Variants in RNF138 observed in about 807,000 individuals in gnomAD.
The protein encoded by RNF138 is E3 ubiquitin-protein ligase RNF138.
In RNF138, 12 loss-of-function variants were observed where a neutral mutation model predicts 31.0. The ratio of observed to expected loss-of-function variants is 0.39; its 90% CI spans 0.25 to 0.63. The LOEUF is 0.63. Among genes scored for constraint, RNF138 ranks in the 20% least tolerant of loss-of-function variants. The pLI, the probability that RNF138 is intolerant of heterozygous loss-of-function variation, is 0.52. For missense variants in RNF138, 192 were observed against 300.1 expected (o/e 0.64, Z 2.66); for synonymous variants, 105 against 99.5 (o/e 1.06, Z -0.33).
chr18:32,117,219 T>A (rs2040232496), intron 4 of RNF138, among the ~76,000 whole-genome samples: 1 of 151,894 alleles, frequency 6.6e-6, no homozygotes, highest in South Asian at 2.1e-4. Flanking sequence ...TTTTTTTTTT[T>A]AATGGTAGGA....
At chr18:32,123,144 A>G (rs551937682) in intron 4 of RNF138, among the ~76,000 whole-genome samples, 1 of 152,184 alleles carries the variant, frequency 6.6e-6, no homozygotes, top group Non-Finnish European at 1.5e-5. Context: ...AAAGTTCACA[A>G]ATTCTTGAGT....
rs1357692531 is a variant in RNF138, at chr18:32,123,545, T to A, written c.420T>A (p.Asp140Glu). 17 of 1,593,548 alleles carry A rather than the reference T, an allele frequency of 1.1e-5. No homozygotes were observed. In the Admixed American group the frequency reaches 3.0e-4, roughly 28 times the overall value. The change falls in exon 5 of 8, where the codon GAT becomes GAA. Residue 140 changes from aspartate (D) to glutamate (E), a missense_variant. By Grantham distance (45) the Asp-to-Glu change is conservative. Around this residue, in one of 2 missense-constraint regions of RNF138, gnomAD observed 140 missense variants for 251.7 expected, o/e 0.56. Transcript: ENST00000261593. ...NSNRSETSTS[D>E]NTETYQENTS... ...ATAGGAGTGAAACATCCACATCTGATAACACAGAAACTTACCAAGAGAATA... is the reference window on the plus strand; with the variant it reads ...ATAGGAGTGAAACATCCACATCTGAAAACACAGAAACTTACCAAGAGAATA...
chr18:32,097,270 A>C (rs1052733236), intron 2 of RNF138, among the ~76,000 whole-genome samples: 1 of 152,226 alleles, frequency 6.6e-6, no homozygotes, highest in Non-Finnish European at 1.5e-5. Flanking sequence ...TAAAAATTAC[A>C]TATAACAAGT....
intron 2 of RNF138, among the ~76,000 whole-genome samples, chr18:32,093,479 G>C (rs560647575): frequency 2.5e-4 from 38 of 152,264 alleles, no homozygotes; most frequent in African/African-American, 8.9e-4. Flanking sequence ...TTCGTTTCCA[G>C]TCCACTATGT....
At chr18:32,115,606 G>A (rs529371126) in intron 4 of RNF138, among the ~76,000 whole-genome samples, 33 of 152,232 alleles carry the variant, frequency 2.2e-4, no homozygotes, top group African/African-American at 5.1e-4. Context: ...TTAGCTGGAC[G>A]TGGTGGCGCG....
chr18:32,111,250 C>T lies in RNF138; in HGVS notation c.111-504C>T, dbSNP rs79629457. 1.1e-4 allele frequency among the ~76,000 whole-genome samples: 17 copies of T among 152,298 alleles called. No homozygotes were observed. In the East Asian group the frequency reaches 3.1e-3, roughly 28 times the overall value. On this transcript the variant is annotated intron_variant, in intron 2 of 7. Coordinates refer to ENST00000261593, the MANE Select transcript of RNF138 (RefSeq NM_016271.5). ...AACTTTATCCTAGAACTTCCCAAACCAATTTGTGTGCTCTTTTGTAGTAGA... is the reference window on the plus strand; with the variant it reads ...AACTTTATCCTAGAACTTCCCAAACTAATTTGTGTGCTCTTTTGTAGTAGA...
At chr18:32,117,485 C>T (rs1223821282) in intron 4 of RNF138, among the ~76,000 whole-genome samples, 2 of 151,942 alleles carry the variant, frequency 1.3e-5, no homozygotes, top group Non-Finnish European at 2.9e-5. Context: ...CTTAAAGTGG[C>T]ATTTGCATGC....
chr18:32,119,035 A>G (rs2144266791), intron 4 of RNF138, among the ~76,000 whole-genome samples: 1 of 152,280 alleles, frequency 6.6e-6, no homozygotes, highest in South Asian at 2.1e-4. Flanking sequence ...TTTCTTCTTA[A>G]ACTTTAAAAG....
intron 2 of RNF138, among the ~76,000 whole-genome samples, chr18:32,098,342 T>C (rs1438451964): frequency 6.6e-6 from 1 of 151,808 alleles, no homozygotes; most frequent in African/African-American, 2.4e-5. Context: ...AGAGATGGGG[T>C]CTTGCTTTGT....
At chr18:32,112,902 G>A (rs556348515) in intron 3 of RNF138, among the ~76,000 whole-genome samples, 1 of 152,306 alleles carries the variant, frequency 6.6e-6, no homozygotes, top group Non-Finnish European at 1.5e-5. Context: ...AATGAATTCA[G>A]TGAGCAAAGC....
chr18:32,108,629 CT>C (rs1395965855), intron 2 of RNF138, among the ~76,000 whole-genome samples: 1 of 152,060 alleles, frequency 6.6e-6, no homozygotes, highest in Non-Finnish European at 1.5e-5. Context: ...TGGCTATGAA[CT>C]TTCTAGCAAA....
intron 5 of RNF138, 144 bp downstream of exon 5, chr18:32,123,718 T>C: frequency 2.0e-6 from 1 of 499,678 alleles, no homozygotes; most frequent in Non-Finnish European, 3.4e-6. Context: ...AGTGGTGCGA[T>C]CTTGGCTCAC....
chr18:32,109,189 T>C (rs1009141919), intron 2 of RNF138, among the ~76,000 whole-genome samples: 5 of 151,540 alleles, frequency 3.3e-5, no homozygotes, highest in Non-Finnish European at 5.9e-5. Flanking sequence ...GGTCTCACTC[T>C]GTTGCTCAGG....
intron 2 of RNF138, among the ~76,000 whole-genome samples, chr18:32,103,935 A>G (rs1441140602): frequency 6.6e-6 from 1 of 151,642 alleles, no homozygotes; most frequent in African/African-American, 2.4e-5. Flanking sequence ...ACTGCACTCC[A>G]GCCTGGGCGA....
At chr18:32,098,852 CAAAAAAA>C (rs76852201) in intron 2 of RNF138, among the ~76,000 whole-genome samples, 1 of 58,288 alleles carries the variant, frequency 1.7e-5, no homozygotes, top group Non-Finnish European at 3.6e-5. Flanking sequence ...GACTCCGTTT[CAAAAAAA>C]AAAAAAAAAA....
In RNF138 at chr18:32,092,237, TGA is replaced by T. The variant is rs2039702498; in HGVS notation, c.-78+6_-78+7del. 6.6e-6 allele frequency: 1 copy of T among 151,742 alleles called. No individual in the cohort carries two copies. Among genetic ancestry groups the T allele is most frequent in the African/African-American group, 2.4e-5 (1 of 40,902 alleles). The allele number at this position is 151,742 out of a possible 1,614,324, so 9.4% of individuals were successfully genotyped here. A position where few individuals can be genotyped will look rare whatever the true frequency, so the allele number is the denominator to read the frequency against. ...ACAACGCCGCTTCGGGGCTCCTAGG[TGA>T]GAGTCTCCCCGGCGGAAGCGTGGAG... is the stretch of plus-strand genomic sequence containing the variant. On this transcript the variant is annotated splice_donor_region_variant and intron_variant, in intron 1 of 7. Transcript: ENST00000261593.
intron 2 of RNF138, among the ~76,000 whole-genome samples, chr18:32,098,261 C>G (rs1220778718): frequency 6.6e-6 from 1 of 152,020 alleles, no homozygotes; most frequent in Non-Finnish European, 1.5e-5. Flanking sequence ...TTGCCTTGGC[C>G]TCCCAAAGTG....
rs1017627656 is a variant in RNF138 at position 32,130,532 on chromosome 18, A to G, written c.*1345A>G. The G allele has an allele frequency of 1.3e-5, 2 of 152,442 alleles. No individual in the cohort carries two copies. The highest frequency in any genetic ancestry group is 2.9e-5 in the Non-Finnish European group (2 of 67,872). The allele number at this position is 152,442 out of a possible 1,614,324, so 9.4% of individuals were successfully genotyped here. On this transcript the variant is annotated 3_prime_UTR_variant, in exon 8 of 8. Coordinates refer to ENST00000261593, the MANE Select transcript of RNF138 (RefSeq NM_016271.5). ...TTGCTGACATTCCATACTAATATAC[A>G]TTGTTTATGCTTTCTTTAAAATAAC... is the stretch of plus-strand genomic sequence containing the variant.
intron 3 of RNF138, among the ~76,000 whole-genome samples, chr18:32,113,523 G>T (rs961365683): frequency 2.5e-4 from 38 of 152,146 alleles, no homozygotes; most frequent in Middle Eastern, 3.4e-3. Flanking sequence ...TTTTTGCAGT[G>T]AATTTATAGA....
Sources: gnomAD v4.1 joint callset for allele counts (sites outside exome capture counted in the v4.1 genomes callset) on GRCh38, gnomAD v4.1.1 for gene constraint, gnomAD v4.1.1 regional missense constraint, MANE v1.5 for transcripts, NCBI Gene and HGNC (gene_info 2026-07-23, HGNC 2026-07-21) for gene names.